GABRA5: variants seen among roughly 807,000 people sequenced by gnomAD.
The protein encoded by GABRA5 is gamma-aminobutyric acid receptor subunit alpha-5.
GABRA5 carries 18 observed loss-of-function variants against 47.3 expected under a neutral mutation model. The ratio of observed to expected loss-of-function variants is 0.38; its 90% CI spans 0.26 to 0.56. The LOEUF (loss-of-function observed/expected upper bound fraction) is 0.56, where lower values mean the gene tolerates loss of function less well. Among genes scored for constraint, GABRA5 ranks in the 20% least tolerant of loss-of-function variants. GABRA5 has a pLI of 0.71. For missense variants in GABRA5, 365 were observed against 599.3 expected, an observed-to-expected ratio of 0.61 and a Z score of 4.08; for synonymous variants, 237 against 229.3, an observed-to-expected ratio of 1.03 and a Z score of -0.30.
chr15:26,870,726 G>T (rs143275728), intron 3 of GABRA5, among the ~76,000 whole-genome samples: 130 of 152,236 alleles, frequency 8.5e-4, no homozygotes, highest in African/African-American at 2.8e-3. Context: ...AAACTAGCAT[G>T]TTCACAATGT....
At chr15:26,894,501 G>A (rs916759784) in intron 6 of GABRA5, among the ~76,000 whole-genome samples, 1 of 152,114 alleles carries the variant, frequency 6.6e-6, no homozygotes, top group African/African-American at 2.4e-5. Context: ...TGCGATTTCC[G>A]TGGCGTCAGA....
At chr15:26,914,694 G>C in intron 6 of GABRA5, 109 bp from the exon 7 acceptor site, 1 of 764,952 alleles carries the variant, frequency 1.3e-6, no homozygotes. Context: ...TCTCATAAGA[G>C]ACATTAATTT....
intron 3 of GABRA5, among the ~76,000 whole-genome samples, chr15:26,873,396 T>TAA (rs34744862): frequency 1.3e-5 from 2 of 152,078 alleles, no homozygotes; most frequent in African/African-American, 2.4e-5. Flanking sequence ...TACTGATTGA[T>TAA]AAAAAAATCT....
At chr15:26,889,489 A>T (rs1205113299) in intron 6 of GABRA5, among the ~76,000 whole-genome samples, 2 of 152,088 alleles carry the variant, frequency 1.3e-5, no homozygotes, top group African/African-American at 4.8e-5. Flanking sequence ...TATTCCTTAA[A>T]CGGCCACTTG....
chr15:26,911,008 TAAAAG>T, intron 6 of GABRA5, among the ~76,000 whole-genome samples: 1 of 152,192 alleles, frequency 6.6e-6, no homozygotes, highest in African/African-American at 2.4e-5. Context: ...TTGAGTATTA[TAAAAG>T]CATAGGCCAT....
chr15:26,940,206 T>A, intron 9 of GABRA5, 129 bp downstream of exon 9: 1 of 738,562 alleles, frequency 1.4e-6, no homozygotes, highest in Non-Finnish European at 2.2e-6. Flanking sequence ...GAAAAGAAAT[T>A]GACCCACTAA....
chr15:26,906,788 T>G (rs1355682952), intron 6 of GABRA5, among the ~76,000 whole-genome samples: 1 of 152,152 alleles, frequency 6.6e-6, no homozygotes, highest in Non-Finnish European at 1.5e-5. Context: ...CATAACAAAT[T>G]AAACAAAAAT....
At chr15:26,924,584 C>T (rs966560549) in intron 7 of GABRA5, among the ~76,000 whole-genome samples, 23 of 152,174 alleles carry the variant, frequency 1.5e-4, no homozygotes, top group Admixed American at 7.2e-4. Context: ...CAGGAATCAA[C>T]GTCCTGGCCC....
chr15:26,874,872 C>A (rs113079789), intron 3 of GABRA5, among the ~76,000 whole-genome samples: 1 of 152,210 alleles, frequency 6.6e-6, no homozygotes, highest in African/African-American at 2.4e-5. Context: ...ACTGTCAGTT[C>A]GGTTCCTGTT....
Position 26,942,491 on chromosome 15 carries a change from T to C in GABRA5, c.878-724T>C, listed in dbSNP as rs1193806329. On this transcript the variant is annotated intron_variant, in intron 9 of 10. Coordinates refer to ENST00000335625, the MANE Select transcript of GABRA5 (RefSeq NM_000810.4). ...GTCGGGTGAAAGTCTGTCTCACCTGTTTGCAGGGAGCCCTCTACTTCCAGG... is the reference window on the plus strand; with the variant it reads ...GTCGGGTGAAAGTCTGTCTCACCTGCTTGCAGGGAGCCCTCTACTTCCAGG... Among the ~76,000 whole-genome samples the C allele has an allele frequency of 2.0e-5, 3 of 152,196 alleles. No individual in the cohort carries two copies. In the East Asian group the frequency reaches 5.8e-4, roughly 29 times the overall value.
chr15:26,904,151 G>A (rs1251451100), intron 6 of GABRA5, among the ~76,000 whole-genome samples: 1 of 152,030 alleles, frequency 6.6e-6, no homozygotes, highest in Non-Finnish European at 1.5e-5. Context: ...AGTATATGGT[G>A]TAAAAAAGGG....
At chr15:26,870,527 CG>C (rs1212539190) in intron 3 of GABRA5, among the ~76,000 whole-genome samples, 17 of 152,212 alleles carry the variant, frequency 1.1e-4, no homozygotes, top group African/African-American at 2.9e-4. Context: ...ACCACACTGA[CG>C]GGAACAGGTG....
At chr15:26,932,356 A>G (rs1238799966) in intron 7 of GABRA5, among the ~76,000 whole-genome samples, 1 of 152,234 alleles carries the variant, frequency 6.6e-6, no homozygotes, top group Non-Finnish European at 1.5e-5. Context: ...GCCAACAAAC[A>G]TGAAAAAAAG....
At chr15:26,944,325 C>G (rs778586647) in intron 10 of GABRA5, among the ~76,000 whole-genome samples, 3 of 152,242 alleles carry the variant, frequency 2.0e-5, no homozygotes, top group Non-Finnish European at 2.9e-5. Flanking sequence ...GGGTTTGACT[C>G]TGCTGTCAGG....
At chr15:26,943,497 A>G in intron 10 of GABRA5, 71 bp downstream of exon 10, 8 of 1,365,036 alleles carry the variant, frequency 5.9e-6, no homozygotes, top group Non-Finnish European at 8.2e-6. Flanking sequence ...CTATCCAAAC[A>G]TGAGACAAGG....
At chr15:26,872,455 G>A (rs1892496474) in intron 3 of GABRA5, among the ~76,000 whole-genome samples, 1 of 152,176 alleles carries the variant, frequency 6.6e-6, no homozygotes, top group Admixed American at 6.5e-5. Flanking sequence ...ATTTTGCAGG[G>A]TAGCCCTGGA....
At chr15:26,886,913 G>C (rs1369226480) in intron 6 of GABRA5, among the ~76,000 whole-genome samples, 1 of 152,212 alleles carries the variant, frequency 6.6e-6, no homozygotes. Context: ...GCTATAGCTA[G>C]AATGCTACAG....
At chr15:26,885,258 C>G (rs1892847897) in intron 6 of GABRA5, among the ~76,000 whole-genome samples, 2 of 149,002 alleles carry the variant, frequency 1.3e-5, no homozygotes, top group South Asian at 4.2e-4. Flanking sequence ...CAGATCGCAC[C>G]ACTGCACTCC....
chr15:26,924,337 T>C (rs142190371), intron 7 of GABRA5, among the ~76,000 whole-genome samples: 1 of 152,120 alleles, frequency 6.6e-6, no homozygotes, highest in East Asian at 1.9e-4. Flanking sequence ...CCTCTACTGA[T>C]AGTTCCCTAG....
Sources: gnomAD v4.1 joint callset for allele counts (sites outside exome capture counted in the v4.1 genomes callset) on GRCh38, gnomAD v4.1.1 for gene constraint, MANE v1.5 for transcripts, NCBI Gene and HGNC (gene_info 2026-07-23, HGNC 2026-07-21) for gene names.